Variants in F10 observed in about 807,000 individuals in gnomAD.
F10 encodes coagulation factor X, also known as Stuart-Prower factor.
Under a neutral mutation model 37.1 loss-of-function variants are expected in F10, and 29 were observed. The ratio of observed to expected loss-of-function variants is 0.78; its 90% CI spans 0.58 to 1.07. F10 has a LOEUF of 1.07. Ranked by LOEUF, F10 falls within the 50% of genes least tolerant of loss-of-function variation. The probability of loss-of-function intolerance (pLI) is 0.00; values close to 1 mark genes in which losing one functional copy is unlikely to be tolerated. For missense variants in F10, 539 were observed against 667.9 expected, an observed-to-expected ratio of 0.81 and a Z score of 2.13; for synonymous variants, 262 against 268.6, an observed-to-expected ratio of 0.98 and a Z score of 0.24.
rs1434688223 is a variant in F10 at position 113,139,375 on chromosome 13, C to A, written c.275C>A (p.Thr92Asn). ...NKYKDGDQCETSPCQNQGKCK... is the reference protein window; with the variant it reads ...NKYKDGDQCENSPCQNQGKCK... ...TTTGCAGATGGCGACCAGTGTGAGA[C>A]CAGTCCTTGCCAGAACCAGGGCAAA... is the stretch of plus-strand genomic sequence containing the variant. The change falls in exon 4 of 8, where the codon ACC (threonine) becomes AAC (asparagine). Residue 92 changes from threonine to asparagine, a missense_variant. Thr to Asn is a moderately conservative substitution (Grantham distance 65). Coordinates refer to ENST00000375559, the MANE Select transcript of F10 (RefSeq NM_000504.4). The surrounding 1 kb of genome is among the most constrained non-coding windows in gnomAD (Gnocchi z 5.2). 2 of 1,613,814 alleles carry A rather than the reference C, an allele frequency of 1.2e-6. No individual in the cohort carries two copies. Among genetic ancestry groups the A allele is most frequent in the Non-Finnish European group, 1.7e-6 (2 of 1,179,794 alleles).
chr13:113,124,001 G>A (rs551923438), intron 1 of F10, among the ~76,000 whole-genome samples: 50 of 152,342 alleles, frequency 3.3e-4, no homozygotes, highest in South Asian at 6.2e-4. Context: ...TGAGATCAGC[G>A]TGGGTGGAAC....
rs964786947 is a variant in F10 at position 113,143,654 on chromosome 13, C to T, written c.503-197C>T. On this transcript the variant is annotated intron_variant, in intron 5 of 7. Coordinates refer to ENST00000375559, the MANE Select transcript of F10 (RefSeq NM_000504.4). This position sits in a 1 kb window ranked among gnomAD's most constrained non-coding sequence, Gnocchi z 6.8. ...AGGCGGTCACCTGAGGGGAGGCCAA[C>T]GCTCGGACAGCTGCGCTCACCTGCA... is the stretch of plus-strand genomic sequence containing the variant. Among the ~76,000 whole-genome samples the T allele has an allele frequency of 1.3e-5, 2 of 152,170 alleles. No homozygotes were observed. Among genetic ancestry groups the T allele is most frequent in the Non-Finnish European group, 2.9e-5 (2 of 68,022 alleles).
intron 1 of F10, among the ~76,000 whole-genome samples, chr13:113,123,632 A>T (rs1223433536): frequency 6.6e-6 from 1 of 152,094 alleles, no homozygotes; most frequent in East Asian, 1.9e-4. Flanking sequence ...CACCAAGGGG[A>T]CCCAGGCCTG....
At chr13:113,124,171 C>G (rs539217976) in intron 1 of F10, among the ~76,000 whole-genome samples, 1 of 151,882 alleles carries the variant, frequency 6.6e-6, no homozygotes, top group African/African-American at 2.4e-5. Flanking sequence ...AAGCCCGGCC[C>G]GGGACTCTGG....
At chr13:113,131,857 G>C (rs1287420732) in intron 2 of F10, 2 of 152,324 alleles carry the variant, frequency 1.3e-5, no homozygotes, top group African/African-American at 2.4e-5. Context: ...ATTCATAGAT[G>C]AAAGCTTCCA....
At chr13:113,140,585 T>C in intron 4 of F10, 1 of 539,440 alleles carries the variant, frequency 1.9e-6, no homozygotes, top group Non-Finnish European at 3.7e-6. Flanking sequence ...ATCTTTGCAC[T>C]GTGATTACTT....
chr13:113,147,416 G>A lies in F10; in HGVS notation c.785G>A (p.Gly262Asp), dbSNP rs1393705267. ...LINEENEGFC[G>D]GTILSEFYIL... The stretch of plus-strand genomic sequence containing the variant: ...AATGAGGAAAACGAGGGTTTCTGTG[G>A]TGGAACCATTCTGAGCGAGTTCTAC... Residue 262 changes from glycine to aspartate, a missense_variant, in exon 7 of 8, where the codon GGT becomes GAT. Gly to Asp is a moderately conservative substitution (Grantham distance 94, BLOSUM62 -1). Transcript: ENST00000375559. 6 of 1,613,776 alleles carry A rather than the reference G, an allele frequency of 3.7e-6. No homozygotes were observed. The African/African-American group carries it at 6.7e-5, about 18-fold the overall frequency.
chr13:113,143,710 C>CA lies in F10; in HGVS notation c.503-141_503-140insA. On this transcript the variant is annotated intron_variant, in intron 5 of 7. Transcript: ENST00000375559. This position sits in a 1 kb window ranked among gnomAD's most constrained non-coding sequence, Gnocchi z 6.8. Reference sequence around the variant, plus strand: ...GACCCCTGCCGACGACGTGGGGCCTCGCCCTGCAAGCCCGCTGCCCCTCCG... The same window carrying CA: ...GACCCCTGCCGACGACGTGGGGCCTCAGCCCTGCAAGCCCGCTGCCCCTCCG... 8.2e-7 allele frequency: 1 copy of CA among 1,220,212 alleles called. No homozygotes were observed. Among genetic ancestry groups the CA allele is most frequent in the Admixed American group, 2.4e-5 (1 of 41,328 alleles). The allele number at this position is 1,220,212 out of a possible 1,614,324, so 75.6% of individuals were successfully genotyped here.
chr13:113,139,356 G>C lies in F10; in HGVS notation c.257-1G>C, dbSNP rs765649682. 1.2e-6 allele frequency: 2 copies of C among 1,613,746 alleles called. No individual in the cohort carries two copies. Among genetic ancestry groups the C allele is most frequent in the Non-Finnish European group, 1.7e-6 (2 of 1,179,686 alleles). On this transcript the variant is annotated splice_acceptor_variant, in intron 3 of 7. Coordinates refer to ENST00000375559, the MANE Select transcript of F10 (RefSeq NM_000504.4). LOFTEE classifies it high-confidence loss of function. The surrounding 1 kb of genome is among the most constrained non-coding windows in gnomAD (Gnocchi z 5.2). ...CCAGTTTCGAAATCCTCTCTTTGCA[G>C]ATGGCGACCAGTGTGAGACCAGTCC...
chr13:113,143,709 TC>T lies in F10; in HGVS notation c.503-141del. Reference sequence around the variant, plus strand: ...CGACCCCTGCCGACGACGTGGGGCCTCGCCCTGCAAGCCCGCTGCCCCTCCG... The same window carrying T: ...CGACCCCTGCCGACGACGTGGGGCCTGCCCTGCAAGCCCGCTGCCCCTCCG... On this transcript the variant is annotated intron_variant, in intron 5 of 7. Transcript: ENST00000375559. The surrounding 1 kb of genome is among the most constrained non-coding windows in gnomAD (Gnocchi z 6.8). 36 of 1,311,202 alleles carry T rather than the reference TC, an allele frequency of 2.7e-5. No homozygotes were observed. The highest frequency in any genetic ancestry group is 1.2e-4 in the Admixed American group (6 of 49,042). 81.2% of individuals were successfully genotyped at this position (1,311,202 alleles called of 1,614,324 possible).
intron 2 of F10, among the ~76,000 whole-genome samples, chr13:113,133,223 A>G (rs188781225): frequency 6.6e-6 from 1 of 152,266 alleles, no homozygotes; most frequent in Admixed American, 6.5e-5. Flanking sequence ...AGGAAATTGA[A>G]AAAGCAGAAA....
chr13:113,141,188 G>C lies in F10; in HGVS notation c.502+138G>C. On this transcript the variant is annotated intron_variant, in intron 5 of 7. Coordinates refer to ENST00000375559, the MANE Select transcript of F10 (RefSeq NM_000504.4). This position sits in a 1 kb window ranked among gnomAD's most constrained non-coding sequence, Gnocchi z 5.4. Reference sequence around the variant, plus strand: ...ACAGTGACACCAAGAGGACAGGACTGAGCCCTGGGCTCCGGGCCCAGGTGG... The same window carrying C: ...ACAGTGACACCAAGAGGACAGGACTCAGCCCTGGGCTCCGGGCCCAGGTGG... 7.8e-7 allele frequency: 1 copy of C among 1,274,478 alleles called. No homozygotes were observed. Among genetic ancestry groups the C allele is most frequent in the Non-Finnish European group, 1.1e-6 (1 of 914,188 alleles). 78.9% of individuals were successfully genotyped at this position (1,274,478 alleles called of 1,614,324 possible). A position where few individuals can be genotyped will look rare whatever the true frequency, so the allele number is the denominator to read the frequency against.
intron 2 of F10, 37 bp downstream of exon 2, chr13:113,129,649 C>G (rs1029669233): frequency 1.2e-6 from 2 of 1,613,054 alleles, no homozygotes; most frequent in Non-Finnish European, 1.7e-6. Flanking sequence ...TGGTAAGGAG[C>G]TCAGGCCACA....
At chr13:113,148,803 G>C in intron 7 of F10, 113 bp from the exon 8 acceptor site, 1 of 1,499,718 alleles carries the variant, frequency 6.7e-7, no homozygotes, top group South Asian at 1.4e-5. Flanking sequence ...TTTCAAAAGT[G>C]ATCACGTGCC....
chr13:113,133,291 C>T (rs1478277373), intron 2 of F10, among the ~76,000 whole-genome samples: 7 of 151,696 alleles, frequency 4.6e-5, no homozygotes, highest in African/African-American at 7.3e-5. Flanking sequence ...GAAACTCAAA[C>T]AAGACTGACA....
chr13:113,138,152 CG>C (rs1566918569), intron 2 of F10, among the ~76,000 whole-genome samples: 1 of 152,172 alleles, frequency 6.6e-6, no homozygotes, highest in African/African-American at 2.4e-5. Flanking sequence ...TTGACCAGCT[CG>C]GGAGTAGCAA....
In F10 at chr13:113,144,855, G is replaced by A. The variant is rs1218190608; in HGVS notation, c.747+760G>A. ...CAGACTCCCAAGTAGCTGGAATTAC[G>A]GGCGCCCGCTACTTACGCCTGGCTA... On this transcript the variant is annotated intron_variant, in intron 6 of 7. Coordinates refer to ENST00000375559, the MANE Select transcript of F10 (RefSeq NM_000504.4). This position sits in a 1 kb window ranked among gnomAD's most constrained non-coding sequence, Gnocchi z 6.4. Among the ~76,000 whole-genome samples, 3 of 147,742 alleles carry A rather than the reference G, an allele frequency of 2.0e-5. No individual in the cohort carries two copies. Among genetic ancestry groups the A allele is most frequent in the South Asian group, 2.1e-4 (1 of 4,674 alleles).
chr13:113,137,743 C>G (rs780450036), intron 2 of F10, among the ~76,000 whole-genome samples: 2 of 152,164 alleles, frequency 1.3e-5, no homozygotes, highest in Non-Finnish European at 2.9e-5. Flanking sequence ...TCGCTCCTGT[C>G]TCTGCTTTCA....
rs537014454 is a variant in F10, at chr13:113,138,519, G to T, written c.256+38G>T. 3.8e-6 allele frequency: 5 copies of T among 1,304,646 alleles called. No homozygotes were observed. In the South Asian group the frequency reaches 4.9e-5, roughly 13 times the overall value. The allele number at this position is 1,304,646 out of a possible 1,614,324, so 80.8% of individuals were successfully genotyped here. A position where few individuals can be genotyped will look rare whatever the true frequency, so the allele number is the denominator to read the frequency against. Reference sequence around the variant, plus strand: ...TCTGTTTTAACCTTCAGTGAGAGGGGTTCATCAGGATATTTGAATTTTGAA... The same window carrying T: ...TCTGTTTTAACCTTCAGTGAGAGGGTTTCATCAGGATATTTGAATTTTGAA... On this transcript the variant is annotated intron_variant, in intron 3 of 7. Coordinates refer to ENST00000375559, the MANE Select transcript of F10 (RefSeq NM_000504.4).
Sources: gnomAD v4.1 joint callset for allele counts (sites outside exome capture counted in the v4.1 genomes callset) on GRCh38, gnomAD v4.1.1 for gene constraint, Gnocchi (gnomAD v3.1) non-coding constraint, MANE v1.5 for transcripts, NCBI Gene and HGNC (gene_info 2026-07-23, HGNC 2026-07-21) for gene names.